The following SPAG16 variants were observed in gnomAD, a reference collection of about 807,000 sequenced individuals.
The protein encoded by SPAG16 is sperm-associated antigen 16 protein.
A neutral mutation model predicts 80.4 loss-of-function variants in SPAG16; 86 were observed. The observed-to-expected ratio is 1.07, with a 90% CI of 0.90 to 1.28. The LOEUF is 1.28. Ranked by LOEUF, SPAG16 falls within the 50% of genes most tolerant of loss-of-function variation. The pLI is 0.00. For synonymous variants in SPAG16, 294 were observed against 265.9 expected, an observed-to-expected ratio of 1.11 and a Z score of -1.03; for missense variants, 870 against 765.3, an observed-to-expected ratio of 1.14 and a Z score of -1.61.
intron 15 of SPAG16, among the ~76,000 whole-genome samples, chr2:214,151,437 G>T (rs1408799157): frequency 1.3e-5 from 2 of 151,262 alleles, no homozygotes; most frequent in African/African-American, 4.9e-5. Context: ...ATTTATTCAG[G>T]AAAAAAAATG....
intron 13 of SPAG16, among the ~76,000 whole-genome samples, chr2:214,034,722 T>G (rs780601621): frequency 6.6e-6 from 1 of 152,196 alleles, no homozygotes; most frequent in African/African-American, 2.4e-5. Flanking sequence ...CTGCAGCACC[T>G]GGAAGCTTTA....
At chr2:214,257,483 C>CA (rs1019156472) in intron 15 of SPAG16, among the ~76,000 whole-genome samples, 1 of 152,002 alleles carries the variant, frequency 6.6e-6, no homozygotes. Context: ...AATATATGAA[C>CA]ATGAAATATG....
At chr2:214,167,133 T>C (rs184690265) in intron 15 of SPAG16, among the ~76,000 whole-genome samples, 2 of 152,286 alleles carry the variant, frequency 1.3e-5, no homozygotes, top group East Asian at 3.9e-4. Flanking sequence ...GGAAGAGATT[T>C]TCCACTCTAC....
intron 13 of SPAG16, among the ~76,000 whole-genome samples, chr2:214,067,409 A>C (rs984241989): frequency 5.3e-5 from 8 of 152,284 alleles, no homozygotes; most frequent in African/African-American, 1.7e-4. Flanking sequence ...AACATCAAAT[A>C]TTAAAGGCAG....
At chr2:213,607,088 A>C (rs2061289886) in intron 10 of SPAG16, among the ~76,000 whole-genome samples, 1 of 152,200 alleles carries the variant, frequency 6.6e-6, no homozygotes, top group Non-Finnish European at 1.5e-5. Flanking sequence ...CTAGTTGGTA[A>C]AATGTCTTGA....
intron 15 of SPAG16, among the ~76,000 whole-genome samples, chr2:214,361,506 C>G (rs1559242864): frequency 6.6e-6 from 1 of 151,838 alleles, no homozygotes; most frequent in Non-Finnish European, 1.5e-5. Flanking sequence ...ACTCCTTAAC[C>G]TAACCTTAGT....
At chr2:213,588,725 C>T (rs1449104807) in intron 10 of SPAG16, among the ~76,000 whole-genome samples, 1 of 140,554 alleles carries the variant, frequency 7.1e-6, no homozygotes, top group Admixed American at 7.6e-5. Flanking sequence ...TGGCGTGAAC[C>T]CGGGAAGCAG....
At chr2:214,200,160 G>C (rs1010615119) in intron 15 of SPAG16, among the ~76,000 whole-genome samples, 1 of 151,866 alleles carries the variant, frequency 6.6e-6, no homozygotes, top group African/African-American at 2.4e-5. Context: ...GTGGTGTCTT[G>C]TTCCAGTTCT....
chr2:214,358,034 T>C (rs1698932942), intron 15 of SPAG16, among the ~76,000 whole-genome samples: 1 of 152,000 alleles, frequency 6.6e-6, no homozygotes, highest in African/African-American at 2.4e-5. Context: ...TGCTGGAACC[T>C]GCACATATTC....
chr2:214,176,476 G>A (rs2057083752), intron 15 of SPAG16, among the ~76,000 whole-genome samples: 1 of 151,112 alleles, frequency 6.6e-6, no homozygotes, highest in South Asian at 2.1e-4. Flanking sequence ...TTCCAAGTAG[G>A]CTACTAAGCG....
chr2:213,711,798 G>T (rs1394291037), intron 10 of SPAG16, among the ~76,000 whole-genome samples: 4 of 151,952 alleles, frequency 2.6e-5, no homozygotes, highest in Non-Finnish European at 4.4e-5. Flanking sequence ...GGGATTATAG[G>T]TGTGAGCCAC....
At chr2:213,836,759 A>G (rs1006839628) in intron 10 of SPAG16, among the ~76,000 whole-genome samples, 1 of 152,028 alleles carries the variant, frequency 6.6e-6, no homozygotes, top group Admixed American at 6.6e-5. Flanking sequence ...GATTGCAGGC[A>G]TGTACCAATA....
chr2:214,263,617 T>A (rs563420833), intron 15 of SPAG16, among the ~76,000 whole-genome samples: 2 of 152,260 alleles, frequency 1.3e-5, no homozygotes, highest in East Asian at 3.9e-4. Flanking sequence ...GCTGCACAAC[T>A]ACAAACAAAA....
intron 11 of SPAG16, among the ~76,000 whole-genome samples, chr2:213,903,400 C>G (rs1177161082): frequency 6.6e-6 from 1 of 152,174 alleles, no homozygotes; most frequent in African/African-American, 2.4e-5. Flanking sequence ...TCACTCACAG[C>G]TCAACACCAC....
chr2:213,730,937 T>G (rs1346657234), intron 10 of SPAG16, among the ~76,000 whole-genome samples: 2 of 152,188 alleles, frequency 1.3e-5, no homozygotes, highest in Admixed American at 6.5e-5. Context: ...TTTTTTCCTT[T>G]ACTGTGCCAA....
chr2:214,303,588 C>T (rs959870061), intron 15 of SPAG16, among the ~76,000 whole-genome samples: 2 of 152,050 alleles, frequency 1.3e-5, no homozygotes, highest in African/African-American at 2.4e-5. Context: ...AGTCTGAAGA[C>T]GATATGCTTT....
intron 13 of SPAG16, among the ~76,000 whole-genome samples, chr2:214,053,747 T>C (rs868253125): frequency 2.6e-5 from 4 of 152,196 alleles, no homozygotes; most frequent in Admixed American, 1.3e-4. Flanking sequence ...AGAAGTAGCT[T>C]GACCAGACTC....
intron 14 of SPAG16, among the ~76,000 whole-genome samples, chr2:214,132,720 T>C (rs1271165557): frequency 6.6e-6 from 1 of 151,534 alleles, no homozygotes; most frequent in Non-Finnish European, 1.5e-5. Context: ...GCCAATAGAG[T>C]AACATATGGG....
intron 1 of SPAG16, among the ~76,000 whole-genome samples, chr2:213,287,426 G>A (rs1341760594): frequency 1.3e-5 from 2 of 152,202 alleles, no homozygotes; most frequent in Admixed American, 1.3e-4. Flanking sequence ...TACTAAGAAA[G>A]CTAAGGGTTA....
Sources: allele counts gnomAD v4.1 joint callset (sites outside exome capture counted in the v4.1 genomes callset), GRCh38; gene constraint gnomAD v4.1.1; transcripts MANE v1.5; gene names NCBI Gene and HGNC (gene_info 2026-07-23, HGNC 2026-07-21).